The following SDC2 variants were observed in gnomAD, a reference collection of about 807,000 sequenced individuals.
SDC2 encodes the protein syndecan 2.
Under a neutral mutation model 22.2 loss-of-function variants are expected in SDC2, and 13 were observed. The observed-to-expected ratio is 0.59, with a 90% confidence interval of 0.38 to 0.93. The LOEUF (loss-of-function observed/expected upper bound fraction) is 0.93, where lower values mean the gene tolerates loss of function less well. Among genes scored for constraint, SDC2 ranks in the 40% least tolerant of loss-of-function variants. The probability of loss-of-function intolerance (pLI) is 0.00; values close to 1 mark genes in which losing one functional copy is unlikely to be tolerated. For synonymous variants in SDC2, 94 were observed against 92.8 expected (o/e 1.01, Z -0.07); for missense variants, 235 against 246.8 (o/e 0.95, Z 0.32).
chr8:96,576,704 C>A (rs1164734285), intron 1 of SDC2, among the ~76,000 whole-genome samples: 3 of 151,518 alleles, frequency 2.0e-5, no homozygotes, highest in Non-Finnish European at 4.4e-5. Flanking sequence ...CAGGCGTGAG[C>A]CACCGCGCCC....
intron 1 of SDC2, among the ~76,000 whole-genome samples, chr8:96,569,384 C>T (rs2130578981): frequency 6.6e-6 from 1 of 152,278 alleles, no homozygotes; most frequent in African/African-American, 2.4e-5. Context: ...CACCCCAGTT[C>T]TAGGTTAGGT....
At chr8:96,544,358 T>C (rs1223829659) in intron 1 of SDC2, among the ~76,000 whole-genome samples, 1 of 152,164 alleles carries the variant, frequency 6.6e-6, no homozygotes, top group African/African-American at 2.4e-5. Flanking sequence ...ATTTGTACCA[T>C]AGGAGCTTTT....
At chr8:96,517,927 T>C (rs148402057) in intron 1 of SDC2, among the ~76,000 whole-genome samples, 48 of 152,272 alleles carry the variant, frequency 3.2e-4, no homozygotes, top group African/African-American at 1.1e-3. Flanking sequence ...GACTTGACCA[T>C]GAAGTCCCTC....
intron 1 of SDC2, among the ~76,000 whole-genome samples, chr8:96,512,321 A>C (rs2130442961): frequency 6.6e-6 from 1 of 152,358 alleles, no homozygotes; most frequent in African/African-American, 2.4e-5. Flanking sequence ...TGGTGGCAAG[A>C]TGGAGTCTGG....
chr8:96,533,189 T>G (rs930405815), intron 1 of SDC2, among the ~76,000 whole-genome samples: 1 of 152,120 alleles, frequency 6.6e-6, no homozygotes, highest in Non-Finnish European at 1.5e-5. Context: ...GTAGCAAGAT[T>G]TACTGCAAAG....
intron 1 of SDC2, among the ~76,000 whole-genome samples, chr8:96,578,190 G>A (rs1814534832): frequency 6.6e-6 from 1 of 152,226 alleles, no homozygotes; most frequent in Non-Finnish European, 1.5e-5. Context: ...GCTTAGCCCA[G>A]CAAAGGTAGG....
At chr8:96,531,129 A>G (rs771622296) in intron 1 of SDC2, among the ~76,000 whole-genome samples, 1 of 152,222 alleles carries the variant, frequency 6.6e-6, no homozygotes, top group Non-Finnish European at 1.5e-5. Context: ...CAACCCTGCC[A>G]TTTTACAGAT....
chr8:96,609,489 G>A lies in SDC2; in HGVS notation c.547G>A (p.Glu183Lys). 6.2e-7 allele frequency: 1 copy of A among 1,613,424 alleles called. No homozygotes were observed. Among genetic ancestry groups the A allele is most frequent in the Non-Finnish European group, 8.5e-7 (1 of 1,179,652 alleles). Reference protein sequence around the residue: ...KKDEGSYDLGERKPSSAAYQK... With the variant: ...KKDEGSYDLGKRKPSSAAYQK... ...GGATGAAGGAAGCTATGACCTTGGA[G>A]AACGCAAACCATCCAGTGCTGCTTA... The change falls in exon 5 of 5, where the codon GAA (glutamate) becomes AAA (lysine). Residue 183 changes from glutamate (E) to lysine (K), a missense_variant. Glu to Lys is a moderately conservative substitution (Grantham distance 56). Coordinates refer to ENST00000302190, the MANE Select transcript of SDC2 (RefSeq NM_002998.4).
intron 1 of SDC2, among the ~76,000 whole-genome samples, chr8:96,541,051 A>G (rs1813840442): frequency 9.4e-6 from 1 of 106,874 alleles, no homozygotes; most frequent in Admixed American, 1.0e-4. Context: ...ATAGTTATTT[A>G]ATTGATTAAA....
intron 1 of SDC2, among the ~76,000 whole-genome samples, chr8:96,585,588 A>G (rs1426004463): frequency 6.6e-6 from 1 of 152,110 alleles, no homozygotes; most frequent in Non-Finnish European, 1.5e-5. Context: ...GGACAGGGGA[A>G]GGGGACATCA....
Position 96,608,324 on chromosome 8 carries a change from T to G in SDC2, c.307-11T>G, listed in dbSNP as rs1394596756. 6.2e-7 allele frequency: 1 copy of G among 1,610,346 alleles called. No individual in the cohort carries two copies. Among genetic ancestry groups the G allele is most frequent in the Admixed American group, 1.7e-5 (1 of 59,340 alleles). The stretch of plus-strand genomic sequence containing the variant: ...TAAATCAATGTAATCTTTCCCTGTT[T>G]CCCATACCAGTCACCTGAAGAAACT... On this transcript the variant is annotated splice_polypyrimidine_tract_variant and intron_variant, in intron 3 of 4. Transcript: ENST00000302190.
intron 1 of SDC2, among the ~76,000 whole-genome samples, chr8:96,591,536 GA>G (rs1358189756): frequency 6.6e-6 from 1 of 152,154 alleles, no homozygotes; most frequent in Non-Finnish European, 1.5e-5. Context: ...TGCCTTCAAT[GA>G]GTTGTACTCT....
chr8:96,577,472 T>C (rs147052128), intron 1 of SDC2, among the ~76,000 whole-genome samples: 8 of 152,282 alleles, frequency 5.3e-5, no homozygotes, highest in South Asian at 2.1e-4. Flanking sequence ...GAACATTGTG[T>C]TCCATATACC....
At chr8:96,550,106 T>G (rs1814002984) in intron 1 of SDC2, among the ~76,000 whole-genome samples, 1 of 152,318 alleles carries the variant, frequency 6.6e-6, no homozygotes, top group Non-Finnish European at 1.5e-5. Context: ...AGATCTCATA[T>G]TTACAAATGA....
intron 1 of SDC2, among the ~76,000 whole-genome samples, chr8:96,589,797 C>T (rs1814747763): frequency 6.6e-6 from 1 of 152,192 alleles, no homozygotes; most frequent in African/African-American, 2.4e-5. Flanking sequence ...AGTTCAAGAA[C>T]AGTCCCTCTG....
intron 1 of SDC2, among the ~76,000 whole-genome samples, chr8:96,526,759 G>T (rs1158929890): frequency 6.6e-6 from 1 of 152,166 alleles, no homozygotes; most frequent in Non-Finnish European, 1.5e-5. Flanking sequence ...CTAAAACTTG[G>T]ATTGTGTGTT....
At chr8:96,566,195 A>G (rs1814296807) in intron 1 of SDC2, among the ~76,000 whole-genome samples, 1 of 152,218 alleles carries the variant, frequency 6.6e-6, no homozygotes, top group African/African-American at 2.4e-5. Context: ...TGACTTTCTC[A>G]TGGGCTTCTT....
chr8:96,561,229 T>C (rs1222212315), intron 1 of SDC2, among the ~76,000 whole-genome samples: 1 of 152,248 alleles, frequency 6.6e-6, no homozygotes, highest in African/African-American at 2.4e-5. Flanking sequence ...GTTTATTTAC[T>C]GTCCAATTTT....
intron 1 of SDC2, among the ~76,000 whole-genome samples, chr8:96,523,533 C>T (rs569701860): frequency 5.9e-5 from 9 of 151,998 alleles, no homozygotes; most frequent in African/African-American, 9.6e-5. Flanking sequence ...ATCTGTAAGC[C>T]GGATAAAAAT....
Sources: gnomAD v4.1 joint callset for allele counts (sites outside exome capture counted in the v4.1 genomes callset) on GRCh38, gnomAD v4.1.1 for gene constraint, MANE v1.5 for transcripts, NCBI Gene and HGNC (gene_info 2026-07-23, HGNC 2026-07-21) for gene names.